The following SENP7 variants were observed in gnomAD, a reference collection of about 807,000 sequenced individuals.
The protein encoded by SENP7 is SUMO specific peptidase 7.
SENP7 carries 64 observed loss-of-function variants against 141.2 expected under a neutral mutation model. The observed-to-expected ratio is 0.45, with a 90% confidence interval of 0.37 to 0.56. The LOEUF is 0.56. Ranked by LOEUF, SENP7 falls within the 20% of genes least tolerant of loss-of-function variation. The probability of loss-of-function intolerance (pLI) is 0.00; values close to 1 mark genes in which losing one functional copy is unlikely to be tolerated. For missense variants in SENP7, 1,025 were observed against 1,212.2 expected (o/e 0.85, Z 2.29); for synonymous variants, 382 against 426.4 (o/e 0.90, Z 1.28).
intron 6 of SENP7, among the ~76,000 whole-genome samples, chr3:101,391,570 A>G (rs1433278777): frequency 6.6e-6 from 1 of 152,148 alleles, no homozygotes; most frequent in Non-Finnish European, 1.5e-5. Context: ...TACCAGTAAC[A>G]AGCAACAAGA....
Position 101,414,779 on chromosome 3 carries a change from C to T in SENP7, c.482+2814G>A, listed in dbSNP as rs1440236900. The T allele has an allele frequency of 1.4e-5, 8 of 562,338 alleles. 1 individual carries two copies. Among genetic ancestry groups the T allele is most frequent in the South Asian group, 7.5e-5 (3 of 39,942 alleles). 34.8% of individuals were successfully genotyped at this position (562,338 alleles called of 1,614,324 possible). ...AATGCATATGTCACTTGCCTCTAGA[C>T]ACTGGTTCTTTCATGTTTCAGTCCT... On this transcript the variant is annotated intron_variant, in intron 5 of 23. Coordinates refer to ENST00000394095, the MANE Select transcript of SENP7 (RefSeq NM_020654.5).
At chr3:101,481,729 C>T (rs4525837) in intron 3 of SENP7, among the ~76,000 whole-genome samples, 60,364 of 152,002 alleles carry the variant, frequency 0.4, 12,500 homozygotes, top group Admixed American at 0.54. Flanking sequence ...ACACATTCTT[C>T]ACATGTAACA....
intron 4 of SENP7, among the ~76,000 whole-genome samples, chr3:101,444,511 G>A (rs1230341336): frequency 6.6e-6 from 1 of 152,008 alleles, no homozygotes; most frequent in Non-Finnish European, 1.5e-5. Flanking sequence ...AACAATGATA[G>A]ACTGGATGAA....
intron 17 of SENP7, among the ~76,000 whole-genome samples, chr3:101,333,855 T>C (rs1415404309): frequency 6.6e-6 from 1 of 152,162 alleles, no homozygotes; most frequent in African/African-American, 2.4e-5. Context: ...AATGCAGCAG[T>C]CCCCAACCTT....
chr3:101,489,894 C>G (rs1371503653), intron 3 of SENP7, among the ~76,000 whole-genome samples: 1 of 152,250 alleles, frequency 6.6e-6, no homozygotes, highest in East Asian at 1.9e-4. Flanking sequence ...CAAATTAAAA[C>G]CAAGCCCAGG....
Position 101,471,508 on chromosome 3 carries a change from G to A in SENP7, c.187-12456C>T, listed in dbSNP as rs929719331. On this transcript the variant is annotated intron_variant, in intron 3 of 23. Transcript: ENST00000394095. ...CCTTATACAAAAATTAATTCAAGACGGATTAAAGACTTCAATGTTAGACCT... is the reference window on the plus strand; with the variant it reads ...CCTTATACAAAAATTAATTCAAGACAGATTAAAGACTTCAATGTTAGACCT... Among the ~76,000 whole-genome samples the A allele has an allele frequency of 5.9e-5, 9 of 152,066 alleles. 1 individual carries two copies. The highest frequency in any genetic ancestry group is 4.2e-4 in the South Asian group (2 of 4,814).
intron 3 of SENP7, among the ~76,000 whole-genome samples, chr3:101,488,831 C>T (rs896244712): frequency 1.3e-5 from 2 of 152,068 alleles, no homozygotes; most frequent in African/African-American, 4.8e-5. Flanking sequence ...ACAGAGAGAG[C>T]CTTGCCTGCG....
Position 101,372,137 on chromosome 3 carries a change from G to C in SENP7, c.678-11C>G, listed in dbSNP as rs2060199156. 4.8e-6 allele frequency: 7 copies of C among 1,447,340 alleles called. No homozygotes were observed. The highest frequency in any genetic ancestry group is 6.6e-6 in the Non-Finnish European group (7 of 1,053,616). 89.7% of individuals were successfully genotyped at this position (1,447,340 alleles called of 1,614,324 possible). A position where few individuals can be genotyped will look rare whatever the true frequency, so the allele number is the denominator to read the frequency against. On this transcript the variant is annotated splice_polypyrimidine_tract_variant and intron_variant, in intron 6 of 23. Coordinates refer to ENST00000394095, the MANE Select transcript of SENP7 (RefSeq NM_020654.5). ...CTTCGTTGTGAGCCCCTGCAAAAGA[G>C]AACTGTATTATACTCAATTCTAATA...
chr3:101,424,326 C>T (rs1158063614), intron 4 of SENP7, among the ~76,000 whole-genome samples: 2 of 142,994 alleles, frequency 1.4e-5, no homozygotes, highest in Non-Finnish European at 1.5e-5. Flanking sequence ...CCCCCATCCC[C>T]GCACGTTGCT....
intron 3 of SENP7, among the ~76,000 whole-genome samples, chr3:101,476,046 T>C (rs2064200349): frequency 6.6e-6 from 1 of 152,174 alleles, no homozygotes; most frequent in Non-Finnish European, 1.5e-5. Flanking sequence ...CACACTCTTC[T>C]CACGAGCACA....
chr3:101,471,267 G>A (rs1416860466), intron 3 of SENP7, among the ~76,000 whole-genome samples: 4 of 152,124 alleles, frequency 2.6e-5, no homozygotes, highest in Admixed American at 6.6e-5. Flanking sequence ...CAAGGCTACA[G>A]TAACCAAAAC....
At chr3:101,371,035 A>G (rs2060164863) in intron 7 of SENP7, among the ~76,000 whole-genome samples, 1 of 152,176 alleles carries the variant, frequency 6.6e-6, no homozygotes, top group African/African-American at 2.4e-5. Flanking sequence ...CTTGCCTATA[A>G]TCCCAGCATT....
chr3:101,450,449 T>C (rs1385069888), intron 4 of SENP7, among the ~76,000 whole-genome samples: 1 of 152,066 alleles, frequency 6.6e-6, no homozygotes, highest in African/African-American at 2.4e-5. Flanking sequence ...CCAAAATTGA[T>C]CACATAGTTG....
At chr3:101,397,580 T>C (rs1412169837) in intron 6 of SENP7, among the ~76,000 whole-genome samples, 2 of 152,224 alleles carry the variant, frequency 1.3e-5, no homozygotes, top group African/African-American at 4.8e-5. Flanking sequence ...TTGTCGTTAC[T>C]GATTCACTAA....
chr3:101,325,798 C>T lies in SENP7; in HGVS notation c.*145G>A, dbSNP rs1024576297. The T allele has an allele frequency of 1.6e-6, 1 of 645,140 alleles. No individual in the cohort carries two copies. Among genetic ancestry groups the T allele is most frequent in the East Asian group, 3.1e-5 (1 of 32,280 alleles). The allele number at this position is 645,140 out of a possible 1,614,324, so 40.0% of individuals were successfully genotyped here. A position where few individuals can be genotyped will look rare whatever the true frequency, so the allele number is the denominator to read the frequency against. On this transcript the variant is annotated 3_prime_UTR_variant, in exon 24 of 24. Coordinates refer to ENST00000394095, the MANE Select transcript of SENP7 (RefSeq NM_020654.5). Reference sequence around the variant, plus strand: ...GATCCCAACAATTCTAATAATGTGTCCTACATATTTTAAATAATGTTCCAA... The same window carrying T: ...GATCCCAACAATTCTAATAATGTGTTCTACATATTTTAAATAATGTTCCAA...
At chr3:101,338,152 CA>C (rs34227978) in intron 16 of SENP7, among the ~76,000 whole-genome samples, 49,619 of 113,510 alleles carry the variant, frequency 0.44, 8,568 homozygotes, top group Admixed American at 0.56. Context: ...GACTCTGTCT[CA>C]AAAAAAAAAA....
At chr3:101,481,769 C>A (rs1334849036) in intron 3 of SENP7, among the ~76,000 whole-genome samples, 8 of 151,976 alleles carry the variant, frequency 5.3e-5, no homozygotes, top group Admixed American at 2.0e-4. Context: ...TAAATATATA[C>A]AAATATTTAT....
intron 6 of SENP7, among the ~76,000 whole-genome samples, chr3:101,374,599 C>CCACACACA (rs35499343): frequency 6.7e-6 from 1 of 149,144 alleles, no homozygotes; most frequent in Non-Finnish European, 1.5e-5. Flanking sequence ...TTCACCCCAC[C>CCACACACA]CACACACACA....
intron 6 of SENP7, among the ~76,000 whole-genome samples, chr3:101,376,620 T>A (rs1040973187): frequency 3.8e-4 from 58 of 151,136 alleles, no homozygotes; most frequent in Middle Eastern, 3.4e-3. Context: ...AATATCACAC[T>A]CTGGGGACTG....
Sources: allele counts gnomAD v4.1 joint callset (sites outside exome capture counted in the v4.1 genomes callset), GRCh38; gene constraint gnomAD v4.1.1; transcripts MANE v1.5; gene names NCBI Gene and HGNC (gene_info 2026-07-23, HGNC 2026-07-21).